Variants in OSBPL3 observed in about 807,000 individuals in gnomAD.
OSBPL3 encodes the protein oxysterol-binding protein-related protein 3.
In OSBPL3, 65 loss-of-function variants were observed where a neutral mutation model predicts 120.1. That is an observed-to-expected ratio of 0.54 (90% confidence interval 0.44 to 0.67). The LOEUF is 0.67. Among genes scored for constraint, OSBPL3 ranks in the 30% least tolerant of loss-of-function variants. OSBPL3 has a pLI of 0.00. For synonymous variants in OSBPL3, 416 were observed against 402.6 expected (o/e 1.03, Z -0.40); for missense variants, 1,004 against 1,082.1 (o/e 0.93, Z 1.01).
intron 1 of OSBPL3, among the ~76,000 whole-genome samples, chr7:24,903,714 G>A (rs1486839465): frequency 1.3e-5 from 2 of 152,020 alleles, no homozygotes; most frequent in African/African-American, 2.4e-5. Context: ...CCTGAATGCC[G>A]AGGGCTTTGC....
intron 1 of OSBPL3, among the ~76,000 whole-genome samples, chr7:24,926,881 C>A (rs950246115): frequency 6.6e-6 from 1 of 152,184 alleles, no homozygotes; most frequent in Non-Finnish European, 1.5e-5. Flanking sequence ...TCAAAAAATT[C>A]TTGATGAACT....
chr7:24,905,417 C>T (rs368033989), intron 1 of OSBPL3, among the ~76,000 whole-genome samples: 2 of 152,008 alleles, frequency 1.3e-5, no homozygotes, highest in East Asian at 1.9e-4. Flanking sequence ...TAAGCTATGC[C>T]GGATGAGGGA....
rs369840825 is a variant in OSBPL3 at position 24,903,836 on chromosome 7, T to A, written c.-149-11215A>T. 5.9e-5 allele frequency among the ~76,000 whole-genome samples: 9 copies of A among 151,704 alleles called. No individual in the cohort carries two copies. The East Asian group carries it at 1.7e-3, about 29-fold the overall frequency. On this transcript the variant is annotated intron_variant, in intron 1 of 22. Coordinates refer to ENST00000313367, the MANE Select transcript of OSBPL3 (RefSeq NM_015550.4). Reference sequence around the variant, plus strand: ...CAGTGGGTTTTGCTGTAGGGTTGACTTCATCAGGCTGTGTCCTCCCCACTG... The same window carrying A: ...CAGTGGGTTTTGCTGTAGGGTTGACATCATCAGGCTGTGTCCTCCCCACTG...
In OSBPL3 at chr7:24,892,408, C is replaced by T. The variant is rs151255641; in HGVS notation, c.65G>A (p.Ser22Asn). 29 of 1,613,554 alleles carry T rather than the reference C, an allele frequency of 1.8e-5. No homozygotes were observed. The highest frequency in any genetic ancestry group is 2.4e-5 in the Non-Finnish European group (28 of 1,179,666). ...QKLVSPSRSTSSCSSKQGSRQ... is the reference protein window; with the variant it reads ...QKLVSPSRSTNSCSSKQGSRQ... ...ACTTCCTTGCTTGGAAGAGCAGCTA[C>T]TTGTGCTCCTTGAAGGTGATACCAA... Residue 22 changes from serine (S) to asparagine (N), a missense_variant, in exon 2 of 23, where the codon AGT (serine) becomes AAT (asparagine). Physicochemically the swap from Ser to Asn is conservative, Grantham distance 46. Around this residue, in one of 4 missense-constraint regions of OSBPL3, gnomAD observed 255 missense variants for 248.7 expected, o/e 1.03. Coordinates refer to ENST00000313367, the MANE Select transcript of OSBPL3 (RefSeq NM_015550.4).
In OSBPL3 at chr7:24,817,431, A is replaced by AAG; in HGVS notation, c.1949-745_1949-744dup. The stretch of plus-strand genomic sequence containing the variant: ...GCTCAGGAGGCTGAGGCAGGAACCC[A>AAG]AGAGGTGGAGGTTGCAGTGAGCCAA... On this transcript the variant is annotated intron_variant, in intron 17 of 22. Transcript: ENST00000313367. This position sits in a 1 kb window ranked among gnomAD's most constrained non-coding sequence, Gnocchi z 4.0. Among the ~76,000 whole-genome samples, 1 of 152,184 alleles carries AAG rather than the reference A, an allele frequency of 6.6e-6. No homozygotes were observed. The highest frequency in any genetic ancestry group is 1.5e-5 in the Non-Finnish European group (1 of 67,984).
chr7:24,925,009 A>G (rs1158420582), intron 1 of OSBPL3, among the ~76,000 whole-genome samples: 2 of 152,174 alleles, frequency 1.3e-5, no homozygotes, highest in Non-Finnish European at 2.9e-5. Flanking sequence ...TCATTTTTAT[A>G]TGTCGTTCTG....
rs183568677 is a variant in OSBPL3, at chr7:24,966,909, G to A, written c.-150+12977C>T. Among the ~76,000 whole-genome samples the A allele has an allele frequency of 8.4e-3, 1,281 of 151,958 alleles. 27 individuals are homozygous for A. Among genetic ancestry groups the A allele is most frequent in the African/African-American group, 0.029 (1,199 of 41,440 alleles). On this transcript the variant is annotated intron_variant, in intron 1 of 22. Transcript: ENST00000313367. The surrounding 1 kb of genome is among the most constrained non-coding windows in gnomAD (Gnocchi z 4.8). ...ACAAATAATCATTTTTTTATTTACCGCCACTTTGCTTATTCCCCATTCACA... is the reference window on the plus strand; with the variant it reads ...ACAAATAATCATTTTTTTATTTACCACCACTTTGCTTATTCCCCATTCACA...
chr7:24,814,796 C>T (rs1352986937), intron 19 of OSBPL3, among the ~76,000 whole-genome samples: 1 of 152,218 alleles, frequency 6.6e-6, no homozygotes, highest in Non-Finnish European at 1.5e-5. Flanking sequence ...AAGGTGCATA[C>T]ATACTGCAGC....
At chr7:24,975,062 G>T (rs1817432379) in intron 1 of OSBPL3, among the ~76,000 whole-genome samples, 1 of 152,178 alleles carries the variant, frequency 6.6e-6, no homozygotes, top group South Asian at 2.1e-4. Context: ...AATTCAGAAA[G>T]GGTCTTTCAA....
Position 24,933,486 on chromosome 7 carries a change from A to C in OSBPL3, c.-149-40865T>G, listed in dbSNP as rs553417293. Among the ~76,000 whole-genome samples, 1 of 152,332 alleles carries C rather than the reference A, an allele frequency of 6.6e-6. No individual in the cohort carries two copies. The highest frequency in any genetic ancestry group is 6.5e-5 in the Admixed American group (1 of 15,304). ...ATGCCCAACATCAGGAGAACAAAAA[A>C]AATCCAGAAAAACATCGAGAAAACT... On this transcript the variant is annotated intron_variant, in intron 1 of 22. Transcript: ENST00000313367. The surrounding 1 kb of genome is among the most constrained non-coding windows in gnomAD (Gnocchi z 5.1).
rs144313596 is a variant in OSBPL3, at chr7:24,846,139, G to C, written c.1266+2930C>G. On this transcript the variant is annotated intron_variant, in intron 12 of 22. Transcript: ENST00000313367. ...TATACAAAATAACATCTATGCTTGAGAGAGTTATTCTGTCCCATTCTTACC... is the reference window on the plus strand; with the variant it reads ...TATACAAAATAACATCTATGCTTGACAGAGTTATTCTGTCCCATTCTTACC... 1.5e-3 allele frequency among the ~76,000 whole-genome samples: 227 copies of C among 152,248 alleles called. 1 individual carries two copies. Among genetic ancestry groups the C allele is most frequent in the African/African-American group, 5.4e-3 (224 of 41,536 alleles).
rs568340433 is a variant in OSBPL3, at chr7:24,873,284, G to C, written c.97-1215C>G. 6.6e-6 allele frequency among the ~76,000 whole-genome samples: 1 copy of C among 152,314 alleles called. No individual in the cohort carries two copies. The highest frequency in any genetic ancestry group is 2.4e-5 in the African/African-American group (1 of 41,574). On this transcript the variant is annotated intron_variant, in intron 2 of 22. Coordinates refer to ENST00000313367, the MANE Select transcript of OSBPL3 (RefSeq NM_015550.4). This position sits in a 1 kb window ranked among gnomAD's most constrained non-coding sequence, Gnocchi z 4.1. ...GTCCTGGGACACAAGTGGTCTAACAGGGAGGGCACAGAAACCACACAGGGT... is the reference window on the plus strand; with the variant it reads ...GTCCTGGGACACAAGTGGTCTAACACGGAGGGCACAGAAACCACACAGGGT...
At chr7:24,807,700 C>G (rs1052817408) in intron 20 of OSBPL3, among the ~76,000 whole-genome samples, 2 of 152,052 alleles carry the variant, frequency 1.3e-5, no homozygotes, top group Non-Finnish European at 2.9e-5. Flanking sequence ...CATTCCTACC[C>G]TTTTTACCAA....
chr7:24,960,287 T>C (rs1368198868), intron 1 of OSBPL3, among the ~76,000 whole-genome samples: 1 of 152,126 alleles, frequency 6.6e-6, no homozygotes, highest in Non-Finnish European at 1.5e-5. Context: ...AATATTCTCA[T>C]AATACAAAGG....
intron 1 of OSBPL3, among the ~76,000 whole-genome samples, chr7:24,974,917 G>T (rs1043883555): frequency 6.6e-6 from 1 of 152,118 alleles, no homozygotes; most frequent in African/African-American, 2.4e-5. Flanking sequence ...TTAAAATTAT[G>T]GTGATGGTTG....
At chr7:24,905,568 C>T (rs1232304810) in intron 1 of OSBPL3, among the ~76,000 whole-genome samples, 3 of 152,216 alleles carry the variant, frequency 2.0e-5, no homozygotes, top group South Asian at 2.1e-4. Context: ...CAAAACACTG[C>T]TGCCCAGGCC....
chr7:24,827,250 T>C lies in OSBPL3; in HGVS notation c.1884+3518A>G, dbSNP rs1795818289. On this transcript the variant is annotated intron_variant, in intron 16 of 22. Coordinates refer to ENST00000313367, the MANE Select transcript of OSBPL3 (RefSeq NM_015550.4). The surrounding 1 kb of genome is among the most constrained non-coding windows in gnomAD (Gnocchi z 5.1). ...CAAGGGCGGAGTCATGCTGTCTCCA[T>C]CAAGGTAGACTGTCTCCTGGGCTGG... 6.6e-6 allele frequency among the ~76,000 whole-genome samples: 1 copy of C among 152,202 alleles called. No individual in the cohort carries two copies. The highest frequency in any genetic ancestry group is 2.4e-5 in the African/African-American group (1 of 41,458).
In OSBPL3 at chr7:24,871,649, A is replaced by C; in HGVS notation, c.267+93T>G. ...CTCTATGGTTTCCAGTTCCGAGAAAAGCTATCCTCAACTATACACACTCTC... is the reference window on the plus strand; with the variant it reads ...CTCTATGGTTTCCAGTTCCGAGAAACGCTATCCTCAACTATACACACTCTC... On this transcript the variant is annotated intron_variant, in intron 4 of 22. Coordinates refer to ENST00000313367, the MANE Select transcript of OSBPL3 (RefSeq NM_015550.4). This position sits in a 1 kb window ranked among gnomAD's most constrained non-coding sequence, Gnocchi z 4.8. The C allele has an allele frequency of 3.2e-6, 3 of 928,678 alleles. No individual in the cohort carries two copies. In the East Asian group the frequency reaches 7.2e-5, roughly 22 times the overall value. 57.5% of individuals were successfully genotyped at this position (928,678 alleles called of 1,614,324 possible).
rs1339585363 is a variant in OSBPL3 at position 24,830,547 on chromosome 7, C to T, written c.1884+221G>A. Among the ~76,000 whole-genome samples the T allele has an allele frequency of 6.6e-6, 1 of 152,020 alleles. No individual in the cohort carries two copies. Among genetic ancestry groups the T allele is most frequent in the Non-Finnish European group, 1.5e-5 (1 of 68,024 alleles). On this transcript the variant is annotated intron_variant, in intron 16 of 22. Transcript: ENST00000313367. This position sits in a 1 kb window ranked among gnomAD's most constrained non-coding sequence, Gnocchi z 4.4. The stretch of plus-strand genomic sequence containing the variant: ...GAAAGGACACCGGCAATGCATGTAG[C>T]CAAGCAAGTGTGCAGAATTACGGGT...
Sources: gnomAD v4.1 joint callset for allele counts (sites outside exome capture counted in the v4.1 genomes callset) on GRCh38, gnomAD v4.1.1 for gene constraint, gnomAD v4.1.1 regional missense constraint, Gnocchi (gnomAD v3.1) non-coding constraint, MANE v1.5 for transcripts, NCBI Gene and HGNC (gene_info 2026-07-23, HGNC 2026-07-21) for gene names.